LBP: variants seen among roughly 807,000 people sequenced by gnomAD.
LBP encodes lipopolysaccharide-binding protein.
In LBP, 53 loss-of-function variants were observed where a neutral mutation model predicts 56.6. That is an observed-to-expected ratio of 0.94 (90% CI 0.75 to 1.18). LBP has a LOEUF of 1.18. Ranked by LOEUF, LBP falls within the 50% of genes most tolerant of loss-of-function variation. LBP has a pLI of 0.00. For synonymous variants in LBP, 227 were observed against 247.5 expected (o/e 0.92, Z 0.78); for missense variants, 601 against 598.3 (o/e 1.00, Z -0.05).
At chr20:38,372,108 C>T (rs1255491666) in intron 12 of LBP, among the ~76,000 whole-genome samples, 2 of 152,092 alleles carry the variant, frequency 1.3e-5, no homozygotes, top group African/African-American at 4.8e-5. Context: ...AGTAGACGGC[C>T]CCAAATAAAA....
chr20:38,360,883 C>A, intron 6 of LBP, 116 bp downstream of exon 6: 1 of 732,360 alleles, frequency 1.4e-6, no homozygotes, highest in Non-Finnish European at 2.2e-6. Flanking sequence ...AAATTAAGGG[C>A]CAGGCGCAGC....
At chr20:38,355,168 C>A (rs1484872938) in intron 4 of LBP, among the ~76,000 whole-genome samples, 178 bp from the exon 5 acceptor site, 1 of 152,250 alleles carries the variant, frequency 6.6e-6, no homozygotes, top group Non-Finnish European at 1.5e-5. Flanking sequence ...TTGGGTGCCG[C>A]AGGCACTGGG....
intron 12 of LBP, 98 bp from the exon 13 acceptor site, chr20:38,372,974 C>A: frequency 1.1e-6 from 1 of 904,962 alleles, no homozygotes; most frequent in South Asian, 1.3e-5. Context: ...TGATGTAATA[C>A]TAGTTTGCTT....
intron 9 of LBP, among the ~76,000 whole-genome samples, chr20:38,368,458 G>T (rs1600729563): frequency 6.6e-6 from 1 of 152,062 alleles, no homozygotes; most frequent in South Asian, 2.1e-4. Context: ...AATTAGCCGG[G>T]TGTGGTGGTG....
At chr20:38,362,022 C>T (rs1040879579) in intron 6 of LBP, among the ~76,000 whole-genome samples, 1 of 148,628 alleles carries the variant, frequency 6.7e-6, no homozygotes, top group South Asian at 2.2e-4. Context: ...CAGGGCTGGG[C>T]GCGGTGGCTC....
At chr20:38,368,619 GA>G (rs1009924507) in intron 9 of LBP, among the ~76,000 whole-genome samples, 2 of 152,072 alleles carry the variant, frequency 1.3e-5, no homozygotes, top group African/African-American at 4.8e-5. Flanking sequence ...AACAAAAAAA[GA>G]AAGCATTGCT....
At position 38,366,617 on chromosome 20, in the gene LBP, G is replaced by A. The variant is rs528606249; in HGVS notation, c.922-152G>A. Reference sequence around the variant, plus strand: ...GCTGAAGTCCCATGTGCTCTCCTTGGGTGAATGCAGGACAGGCATCTCCTC... The same window carrying A: ...GCTGAAGTCCCATGTGCTCTCCTTGAGTGAATGCAGGACAGGCATCTCCTC... On this transcript the variant is annotated intron_variant, in intron 8 of 14. Transcript: ENST00000217407. The A allele has an allele frequency of 5.5e-6, 4 of 733,148 alleles. No individual in the cohort carries two copies. In the Admixed American group the frequency reaches 7.8e-5, roughly 14 times the overall value. The allele number at this position is 733,148 out of a possible 1,614,324, so 45.4% of individuals were successfully genotyped here. A position where few individuals can be genotyped will look rare whatever the true frequency, so the allele number is the denominator to read the frequency against.
At chr20:38,351,020 G>C in intron 3 of LBP, 81 bp downstream of exon 3, 1 of 1,543,542 alleles carries the variant, frequency 6.5e-7, no homozygotes, top group South Asian at 1.2e-5. Context: ...GGTGTTCCTA[G>C]CTTATCAGAA....
In LBP at chr20:38,355,553, C is replaced by T. The variant is rs2076835887; in HGVS notation, c.588+144C>T. 1.6e-5 allele frequency: 12 copies of T among 744,010 alleles called. No individual in the cohort carries two copies. In the East Asian group the frequency reaches 3.2e-4, roughly 20 times the overall value. 46.1% of individuals were successfully genotyped at this position (744,010 alleles called of 1,614,324 possible). ...AGCCCAGGGAGGACAAATCATTTGC[C>T]CAGGTCATGGAGCTGTTGTGGGGCA... On this transcript the variant is annotated intron_variant, in intron 5 of 14. Coordinates refer to ENST00000217407, the MANE Select transcript of LBP (RefSeq NM_004139.5).
rs2076823622 is a variant in LBP at position 38,352,444 on chromosome 20, AAAAACAAAC to A, written c.368+1509_368+1517del. On this transcript the variant is annotated intron_variant, in intron 3 of 14. Coordinates refer to ENST00000217407, the MANE Select transcript of LBP (RefSeq NM_004139.5). ...CACTGGATTTGAAGATTTAGGATTA[AAAAACAAAC>A]AAACAAACAAAAAAACAGCAGCTGA... Among the ~76,000 whole-genome samples, 6 of 152,320 alleles carry A rather than the reference AAAAACAAAC, an allele frequency of 3.9e-5. No individual in the cohort carries two copies. In the South Asian group the frequency reaches 1.2e-3, roughly 32 times the overall value.
intron 6 of LBP, 62 bp from the exon 7 acceptor site, chr20:38,363,913 C>A: frequency 8.3e-7 from 1 of 1,200,074 alleles, no homozygotes; most frequent in Non-Finnish European, 1.2e-6. Flanking sequence ...AGAGCCCTTG[C>A]CCCTCCTCCA....
chr20:38,361,049 C>G (rs2076858423), intron 6 of LBP, among the ~76,000 whole-genome samples: 1 of 151,892 alleles, frequency 6.6e-6, no homozygotes, highest in African/African-American at 2.4e-5. Context: ...GTAATCCCAG[C>G]TACTCGGGAG....
rs775499291 is a variant in LBP at position 38,346,529 on chromosome 20, G to T, written c.13G>T (p.Ala5Ser). The T allele has an allele frequency of 6.2e-7, 1 of 1,613,362 alleles. No individual in the cohort carries two copies. The highest frequency in any genetic ancestry group is 1.7e-5 in the Admixed American group (1 of 59,998). Residue 5 changes from alanine to serine, a missense_variant, in exon 1 of 15, where the codon GCC becomes TCC. By Grantham distance (99) the Ala-to-Ser change is moderately conservative (BLOSUM62 1). Coordinates refer to ENST00000217407, the MANE Select transcript of LBP (RefSeq NM_004139.5). ...CTGGGAATCTAGGATGGGGGCCTTG[G>T]CCAGAGCCCTGCCGTCCATACTGCT... Reference protein sequence around the residue: MGALARALPSILLAL... With the variant: MGALSRALPSILLAL...
At chr20:38,364,936 A>G (rs774113829) in intron 8 of LBP, among the ~76,000 whole-genome samples, 184 bp downstream of exon 8, 17 of 152,210 alleles carry the variant, frequency 1.1e-4, no homozygotes, top group Non-Finnish European at 2.1e-4. Flanking sequence ...ACTCAAAGCC[A>G]AAGTTCTTTC....
At chr20:38,368,930 C>T (rs964187056) in intron 9 of LBP, 65 bp from the exon 10 acceptor site, 2 of 1,509,950 alleles carry the variant, frequency 1.3e-6, no homozygotes, top group African/African-American at 1.4e-5. Flanking sequence ...CTGACTCCCT[C>T]AGGCCTCTCC....
intron 1 of LBP, among the ~76,000 whole-genome samples, chr20:38,349,259 T>G (rs1445833671): frequency 6.6e-6 from 1 of 152,180 alleles, no homozygotes; most frequent in African/African-American, 2.4e-5. Context: ...AGGAGGACTA[T>G]CCGTCCAAGC....
intron 11 of LBP, 142 bp from the exon 12 acceptor site, chr20:38,371,138 C>T (rs1398008608): frequency 1.5e-6 from 1 of 648,020 alleles, no homozygotes; most frequent in Non-Finnish European, 2.8e-6. Flanking sequence ...TTTAGTTCCT[C>T]AGTCATCTTT....
At chr20:38,373,589 G>A (rs1354950517) in intron 13 of LBP, among the ~76,000 whole-genome samples, 6 of 152,180 alleles carry the variant, frequency 3.9e-5, no homozygotes, top group East Asian at 3.9e-4. Flanking sequence ...AGAACAGGAC[G>A]GGCAAAGGGC....
chr20:38,352,791 A>G (rs1183215707), intron 3 of LBP, among the ~76,000 whole-genome samples: 2 of 152,084 alleles, frequency 1.3e-5, no homozygotes, highest in African/African-American at 2.4e-5. Context: ...AATAAAATAA[A>G]TTAGCCACCA....
Sources: allele counts gnomAD v4.1 joint callset (sites outside exome capture counted in the v4.1 genomes callset), GRCh38; gene constraint gnomAD v4.1.1; transcripts MANE v1.5; gene names NCBI Gene and HGNC (gene_info 2026-07-23, HGNC 2026-07-21).